RBFOX1: variants seen among roughly 807,000 people sequenced by gnomAD.
RBFOX1 encodes RNA binding protein fox-1 homolog 1.
RBFOX1 carries 8 observed loss-of-function variants against 57.7 expected under a neutral mutation model. That is an observed-to-expected ratio of 0.14 (90% CI 0.08 to 0.25). RBFOX1 has a LOEUF of 0.25. Ranked by LOEUF, RBFOX1 falls within the 10% of genes least tolerant of loss-of-function variation. The probability of loss-of-function intolerance (pLI) is 1.00; values close to 1 mark genes in which losing one functional copy is unlikely to be tolerated. For missense variants in RBFOX1, 611 were observed against 548.5 expected (o/e 1.11, Z -1.14); for synonymous variants, 326 against 222.4 (o/e 1.47, Z -4.15).
chr16:6,741,901 A>T (rs1386216176), intron 3 of RBFOX1, among the ~76,000 whole-genome samples: 1 of 152,188 alleles, frequency 6.6e-6, no homozygotes, highest in Admixed American at 6.5e-5. Flanking sequence ...GAATAAGCTC[A>T]ATAGATCAAT....
intron 3 of RBFOX1, among the ~76,000 whole-genome samples, chr16:5,847,626 G>C (rs1414143678): frequency 6.6e-6 from 1 of 152,148 alleles, no homozygotes; most frequent in Admixed American, 6.5e-5. Context: ...TCATTAGTTT[G>C]TTCTTTCTGG....
chr16:5,311,558 A>G (rs2064089814), intron 1 of RBFOX1, among the ~76,000 whole-genome samples: 1 of 152,154 alleles, frequency 6.6e-6, no homozygotes, highest in Non-Finnish European at 1.5e-5. Flanking sequence ...CCATGCCAAC[A>G]TCTCTTTCTT....
intron 4 of RBFOX1, among the ~76,000 whole-genome samples, chr16:5,965,117 G>A (rs1387228225): frequency 6.6e-6 from 1 of 152,068 alleles, no homozygotes; most frequent in Non-Finnish European, 1.5e-5. Context: ...TAAAATGCTG[G>A]TTACTCAGAG....
chr16:6,700,788 T>C (rs1434709899), intron 3 of RBFOX1, among the ~76,000 whole-genome samples: 1 of 152,240 alleles, frequency 6.6e-6, no homozygotes, highest in Non-Finnish European at 1.5e-5. Flanking sequence ...ATCTATGGCA[T>C]ATCCCAGCAA....
intron 3 of RBFOX1, among the ~76,000 whole-genome samples, chr16:5,741,923 A>C (rs2052781726): frequency 6.6e-6 from 1 of 152,254 alleles, no homozygotes; most frequent in Admixed American, 6.5e-5. Flanking sequence ...TGGTAGTTCC[A>C]GTATGTAGGG....
chr16:5,833,834 G>T (rs2056365623), intron 3 of RBFOX1, among the ~76,000 whole-genome samples: 1 of 152,176 alleles, frequency 6.6e-6, no homozygotes, highest in Admixed American at 6.5e-5. Context: ...ATTTTGGAAA[G>T]ATTGGAGTCT....
intron 2 of RBFOX1, among the ~76,000 whole-genome samples, chr16:5,573,860 G>A (rs1165211858): frequency 6.6e-6 from 1 of 152,146 alleles, no homozygotes; most frequent in Non-Finnish European, 1.5e-5. Flanking sequence ...AGGCTGATGT[G>A]TGAGGATCAC....
chr16:6,302,800 C>T (rs1462340736), intron 1 of RBFOX1, among the ~76,000 whole-genome samples: 1 of 152,154 alleles, frequency 6.6e-6, no homozygotes, highest in Admixed American at 6.5e-5. Flanking sequence ...AGACATGAGA[C>T]TAAACTTATG....
chr16:7,706,385 G>A (rs1351672632), intron 14 of RBFOX1, among the ~76,000 whole-genome samples: 2 of 152,172 alleles, frequency 1.3e-5, no homozygotes, highest in East Asian at 3.9e-4. Flanking sequence ...TGCCTTGGAA[G>A]AGAATACTGC....
At chr16:5,592,387 A>T (rs1388604820) in intron 2 of RBFOX1, among the ~76,000 whole-genome samples, 1 of 149,442 alleles carries the variant, frequency 6.7e-6, no homozygotes, top group Non-Finnish European at 1.5e-5. Context: ...AATTAGAAGG[A>T]TCTTCACTAC....
chr16:7,041,236 G>A (rs778706961), intron 3 of RBFOX1, among the ~76,000 whole-genome samples: 1 of 151,736 alleles, frequency 6.6e-6, no homozygotes, highest in Non-Finnish European at 1.5e-5. Context: ...ATCCAACCCT[G>A]TAAATAAAAT....
At chr16:6,368,120 C>G (rs2152885964) in intron 2 of RBFOX1, among the ~76,000 whole-genome samples, 1 of 152,286 alleles carries the variant, frequency 6.6e-6, no homozygotes, top group African/African-American at 2.4e-5. Context: ...TCTTTGTAAG[C>G]TTAAGTTTCA....
intron 4 of RBFOX1, among the ~76,000 whole-genome samples, chr16:7,157,865 T>C (rs1001879375): frequency 2.0e-5 from 3 of 152,206 alleles, no homozygotes; most frequent in African/African-American, 2.4e-5. Flanking sequence ...AGGACAAATA[T>C]ATTTCAGCTT....
chr16:6,597,859 G>A (rs773924123), intron 2 of RBFOX1, among the ~76,000 whole-genome samples: 19 of 152,184 alleles, frequency 1.2e-4, no homozygotes, highest in African/African-American at 4.1e-4. Flanking sequence ...GATCCTTGGA[G>A]CTGCCATGGC....
chr16:6,130,373 C>A (rs1171560989), intron 1 of RBFOX1, among the ~76,000 whole-genome samples: 1 of 151,862 alleles, frequency 6.6e-6, no homozygotes, highest in African/African-American at 2.4e-5. Flanking sequence ...GTTTATCCTA[C>A]CATGCCTAAA....
chr16:6,601,166 A>G (rs2097848243), intron 2 of RBFOX1, among the ~76,000 whole-genome samples: 5 of 152,210 alleles, frequency 3.3e-5, no homozygotes, highest in Admixed American at 3.3e-4. Flanking sequence ...ACAGAAAGGA[A>G]TTAGATATCC....
chr16:6,889,899 A>G (rs545871668), intron 3 of RBFOX1, among the ~76,000 whole-genome samples: 2 of 152,340 alleles, frequency 1.3e-5, no homozygotes, highest in South Asian at 4.1e-4. Context: ...CTTTTAACAC[A>G]TTGTATAGCA....
intron 2 of RBFOX1, among the ~76,000 whole-genome samples, chr16:6,614,344 G>A (rs1180072142): frequency 1.3e-5 from 2 of 152,146 alleles, no homozygotes; most frequent in Admixed American, 6.5e-5. Flanking sequence ...TATCATGCCA[G>A]GTATGAAGAA....
intron 2 of RBFOX1, among the ~76,000 whole-genome samples, chr16:6,427,709 A>G (rs1053115968): frequency 6.6e-6 from 1 of 152,200 alleles, no homozygotes; most frequent in African/African-American, 2.4e-5. Flanking sequence ...TCTATCTGCC[A>G]TGATGTGATA....
Sources: gnomAD v4.1 joint callset for allele counts (sites outside exome capture counted in the v4.1 genomes callset) on GRCh38, gnomAD v4.1.1 for gene constraint, MANE v1.5 for transcripts, NCBI Gene and HGNC (gene_info 2026-07-23, HGNC 2026-07-21) for gene names.